Variants in KATNIP observed in about 807,000 individuals in gnomAD.
KATNIP encodes katanin-interacting protein.
A neutral mutation model predicts 174.0 loss-of-function variants in KATNIP; 126 were observed. The ratio of observed to expected loss-of-function variants is 0.72; its 90% CI spans 0.63 to 0.84. KATNIP has a LOEUF of 0.84. Ranked by LOEUF, KATNIP falls within the 40% of genes least tolerant of loss-of-function variation. KATNIP has a pLI of 0.00. For synonymous variants in KATNIP, 810 were observed against 835.7 expected, an observed-to-expected ratio of 0.97 and a Z score of 0.53; for missense variants, 1,958 against 2,109.7, an observed-to-expected ratio of 0.93 and a Z score of 1.41.
At chr16:27,755,970 G>A (rs973941877) in intron 18 of KATNIP, among the ~76,000 whole-genome samples, 3 of 152,180 alleles carry the variant, frequency 2.0e-5, no homozygotes, top group South Asian at 2.1e-4. Flanking sequence ...CTTCAGCCAA[G>A]GGCAGTCACA....
chr16:27,604,423 C>CA (rs2075636425), intron 2 of KATNIP, among the ~76,000 whole-genome samples: 1 of 152,050 alleles, frequency 6.6e-6, no homozygotes, highest in Non-Finnish European at 1.5e-5. Flanking sequence ...TTAGTACAGA[C>CA]AGAGTCTCAC....
intron 2 of KATNIP, among the ~76,000 whole-genome samples, chr16:27,587,727 A>T (rs2090952901): frequency 6.6e-6 from 1 of 152,236 alleles, no homozygotes; most frequent in Non-Finnish European, 1.5e-5. Flanking sequence ...TTTATTGAGT[A>T]CTGTACTCAA....
chr16:27,686,794 T>G (rs1336269437), intron 8 of KATNIP, among the ~76,000 whole-genome samples: 4 of 152,188 alleles, frequency 2.6e-5, no homozygotes. Context: ...ACATGCATTC[T>G]TGACTTACTA....
chr16:27,699,780 CT>C (rs1216976873), intron 10 of KATNIP, among the ~76,000 whole-genome samples, 181 bp downstream of exon 10: 1 of 152,270 alleles, frequency 6.6e-6, no homozygotes, highest in African/African-American at 2.4e-5. Context: ...TGGTGTCATG[CT>C]GCCCATTTCA....
intron 1 of KATNIP, among the ~76,000 whole-genome samples, chr16:27,558,610 T>C (rs567619886): frequency 6.6e-6 from 1 of 152,350 alleles, no homozygotes; most frequent in Admixed American, 6.5e-5. Flanking sequence ...TGTGGCCCAC[T>C]GCCTGCTATT....
chr16:27,769,666 CT>C (rs2082232574), intron 20 of KATNIP, among the ~76,000 whole-genome samples, 194 bp from the exon 21 acceptor site: 1 of 152,226 alleles, frequency 6.6e-6, no homozygotes, highest in Admixed American at 6.5e-5. Context: ...TAGCAGGGGG[CT>C]CGCCTGTCTT....
At chr16:27,571,635 G>T (rs1004205021) in intron 1 of KATNIP, among the ~76,000 whole-genome samples, 1 of 152,208 alleles carries the variant, frequency 6.6e-6, no homozygotes, top group Non-Finnish European at 1.5e-5. Context: ...GCCTGCTCTT[G>T]CCCTGGGCCC....
intron 2 of KATNIP, among the ~76,000 whole-genome samples, chr16:27,602,403 T>TG (rs1325962744): frequency 2.0e-5 from 3 of 152,150 alleles, no homozygotes; most frequent in African/African-American, 7.2e-5. Context: ...CCTGCCTTGT[T>TG]CAGTCTGTTC....
At chr16:27,621,759 C>T (rs1297145357) in intron 3 of KATNIP, among the ~76,000 whole-genome samples, 2 of 151,174 alleles carry the variant, frequency 1.3e-5, no homozygotes, top group African/African-American at 4.9e-5. Context: ...AGGCACATCA[C>T]ATGTTGAGAG....
intron 7 of KATNIP, 38 bp downstream of exon 7, chr16:27,678,034 T>A: frequency 1.9e-6 from 3 of 1,600,336 alleles, no homozygotes; most frequent in Non-Finnish European, 2.6e-6. Flanking sequence ...TTGCCATTGG[T>A]GTCTCTGCAT....
intron 13 of KATNIP, among the ~76,000 whole-genome samples, chr16:27,714,035 G>T (rs989164096): frequency 2.0e-5 from 3 of 150,556 alleles, no homozygotes; most frequent in Non-Finnish European, 4.4e-5. Context: ...AGCAGCCTTG[G>T]GCCTGCCCTC....
At chr16:27,699,406 C>T in intron 9 of KATNIP, 128 bp from the exon 10 acceptor site, 1 of 1,471,850 alleles carries the variant, frequency 6.8e-7, no homozygotes, top group Middle Eastern at 1.8e-4. Context: ...TCTGACCTTG[C>T]CCCTGAACTT....
chr16:27,555,044 T>C (rs1479455013), intron 1 of KATNIP, among the ~76,000 whole-genome samples: 3 of 152,106 alleles, frequency 2.0e-5, no homozygotes, highest in East Asian at 1.9e-4. Flanking sequence ...GTTATCCACC[T>C]GCCTCAGCCT....
intron 6 of KATNIP, among the ~76,000 whole-genome samples, chr16:27,665,809 C>T (rs1025935127): frequency 7.9e-5 from 12 of 151,948 alleles, no homozygotes; most frequent in East Asian, 1.9e-4. Context: ...CCATGTTGGC[C>T]GGGCTGGTCT....
chr16:27,694,008 G>A (rs889972876), intron 8 of KATNIP, among the ~76,000 whole-genome samples: 8 of 152,146 alleles, frequency 5.3e-5, no homozygotes, highest in Admixed American at 1.3e-4. Context: ...AGTGGCACTC[G>A]GCCCCTGGCA....
At chr16:27,623,234 A>T (rs2076244916) in intron 3 of KATNIP, among the ~76,000 whole-genome samples, 1 of 152,128 alleles carries the variant, frequency 6.6e-6, no homozygotes, top group Non-Finnish European at 1.5e-5. Flanking sequence ...GAGCACAAGC[A>T]CTGCAGCCCC....
intron 15 of KATNIP, among the ~76,000 whole-genome samples, chr16:27,747,172 G>A (rs929324492): frequency 6.6e-6 from 1 of 152,192 alleles, no homozygotes; most frequent in Non-Finnish European, 1.5e-5. Context: ...GTGATGGAGA[G>A]AGTTGTCAGT....
chr16:27,658,461 G>T (rs1199960148), intron 6 of KATNIP, among the ~76,000 whole-genome samples: 1 of 152,092 alleles, frequency 6.6e-6, no homozygotes, highest in African/African-American at 2.4e-5. Context: ...TGGACTTTTT[G>T]GCTTAGATTT....
chr16:27,728,657 T>C (rs2080542972), intron 14 of KATNIP, among the ~76,000 whole-genome samples: 1 of 152,218 alleles, frequency 6.6e-6, no homozygotes, highest in African/African-American at 2.4e-5. Flanking sequence ...CTCAAACTCC[T>C]GACCTCAAGT....
Sources: gnomAD v4.1 joint callset for allele counts (sites outside exome capture counted in the v4.1 genomes callset) on GRCh38, gnomAD v4.1.1 for gene constraint, MANE v1.5 for transcripts, NCBI Gene and HGNC (gene_info 2026-07-23, HGNC 2026-07-21) for gene names.